The following VPS45 variants were observed in gnomAD, a reference collection of about 807,000 sequenced individuals.
The protein encoded by VPS45 is vacuolar protein sorting-associated protein 45.
VPS45 carries 35 observed loss-of-function variants against 75.9 expected under a neutral mutation model. The ratio of observed to expected loss-of-function variants is 0.46; its 90% CI spans 0.35 to 0.61. The LOEUF is 0.61. Among genes scored for constraint, VPS45 ranks in the 20% least tolerant of loss-of-function variants. The probability of loss-of-function intolerance (pLI) is 0.00; values close to 1 mark genes in which losing one functional copy is unlikely to be tolerated. For synonymous variants in VPS45, 220 were observed against 238.2 expected (o/e 0.92, Z 0.70); for missense variants, 559 against 685.9 (o/e 0.81, Z 2.07).
chr1:150,123,634 C>T (rs1383452890), intron 14 of VPS45, among the ~76,000 whole-genome samples: 2 of 152,150 alleles, frequency 1.3e-5, no homozygotes, highest in East Asian at 3.9e-4. Context: ...CTTCACAGGT[C>T]GATCAATATT....
intron 13 of VPS45, among the ~76,000 whole-genome samples, chr1:150,101,593 GC>G (rs1327728978): frequency 2.0e-5 from 3 of 151,846 alleles, no homozygotes; most frequent in African/African-American, 2.4e-5. Context: ...AATTAGCCAG[GC>G]CTGGTGGCGC....
At chr1:150,067,736 G>T (rs1559895711), upstream of VPS45, 3 of 910,806 alleles carry the variant, frequency 3.3e-6, no homozygotes, top group East Asian at 7.3e-5. Flanking sequence ...GTGGCTGCCC[G>T]GACTCCCGGA....
At chr1:150,099,608 C>T (rs782540005) in intron 13 of VPS45, among the ~76,000 whole-genome samples, 2 of 151,602 alleles carry the variant, frequency 1.3e-5, no homozygotes, top group South Asian at 2.1e-4. Flanking sequence ...CCAAGGCGGG[C>T]GGATCATGAG....
At chr1:150,108,812 A>C (rs990229064) in intron 13 of VPS45, among the ~76,000 whole-genome samples, 5 of 152,160 alleles carry the variant, frequency 3.3e-5, no homozygotes, top group African/African-American at 9.7e-5. Context: ...TCCTATGAGA[A>C]TCTAACGCCT....
At chr1:150,084,702 T>G (rs1474011942) in intron 10 of VPS45, among the ~76,000 whole-genome samples, 3 of 152,190 alleles carry the variant, frequency 2.0e-5, no homozygotes, top group Non-Finnish European at 4.4e-5. Flanking sequence ...ACCTGTTATA[T>G]TGGAAACAAC....
At chr1:150,082,945 T>C (rs1351336545) in intron 10 of VPS45, 62 bp downstream of exon 10, 2 of 1,467,126 alleles carry the variant, frequency 1.4e-6, no homozygotes. Flanking sequence ...GAGCAAGAGA[T>C]AAAAAGGCAA....
chr1:150,075,670 TAC>T (rs1655333390), intron 3 of VPS45, among the ~76,000 whole-genome samples: 4 of 152,186 alleles, frequency 2.6e-5, no homozygotes, highest in African/African-American at 9.6e-5. Context: ...TACCTGGTAG[TAC>T]AGTTTATATA....
chr1:150,077,919 T>C (rs1431249690), intron 7 of VPS45, 140 bp downstream of exon 7: 3 of 710,874 alleles, frequency 4.2e-6, no homozygotes, highest in Non-Finnish European at 7.3e-6. Context: ...TATTTCCTGG[T>C]GTTTTGGTAT....
intron 13 of VPS45, among the ~76,000 whole-genome samples, chr1:150,101,289 A>C (rs1455247822): frequency 6.9e-6 from 1 of 145,042 alleles, no homozygotes; most frequent in African/African-American, 2.6e-5. Context: ...AAAAGTGGGC[A>C]AAGGACATGA....
At chr1:150,121,917 G>A (rs958572718) in intron 14 of VPS45, among the ~76,000 whole-genome samples, 15 of 152,186 alleles carry the variant, frequency 9.9e-5, no homozygotes, top group African/African-American at 3.4e-4. Context: ...AATAGATGCA[G>A]TGGGGGGGCA....
intron 13 of VPS45, among the ~76,000 whole-genome samples, chr1:150,096,665 A>G (rs587716048): frequency 6.6e-6 from 1 of 152,302 alleles, no homozygotes; most frequent in African/African-American, 2.4e-5. Context: ...GTCAGGAGAA[A>G]ACGGTGCAGC....
rs1553807032 is a variant in VPS45 at position 150,110,655 on chromosome 1, G to C, written c.1625+28G>C. The C allele has an allele frequency of 3.2e-6, 5 of 1,558,554 alleles. No individual in the cohort carries two copies. The South Asian group carries it at 4.8e-5, about 15-fold the overall frequency. On this transcript the variant is annotated intron_variant, in intron 14 of 14. Coordinates refer to ENST00000644510, the MANE Select transcript of VPS45 (RefSeq NM_007259.5). ...AAAAGAGAACATTCATTCTACAACT[G>C]TGTCCTCTTTCCCAGAGGATAAAGC...
intron 14 of VPS45, among the ~76,000 whole-genome samples, chr1:150,130,313 C>T (rs1387348736): frequency 6.6e-6 from 1 of 150,568 alleles, no homozygotes; most frequent in African/African-American, 2.4e-5. Context: ...GCCATCCTCC[C>T]GAGTAGCTGG....
At chr1:150,144,298 T>C (rs587634998) in intron 14 of VPS45, among the ~76,000 whole-genome samples, 5 of 152,144 alleles carry the variant, frequency 3.3e-5, no homozygotes, top group African/African-American at 9.6e-5. Flanking sequence ...GGAGAGTAGA[T>C]TGGATAAGAA....
chr1:150,129,003 G>A (rs587662118), intron 14 of VPS45, among the ~76,000 whole-genome samples: 7 of 129,608 alleles, frequency 5.4e-5, no homozygotes, highest in Non-Finnish European at 8.0e-5. Context: ...GATTACAGGC[G>A]TGAGCCACTG....
At chr1:150,100,236 G>A (rs1553803969) in intron 13 of VPS45, among the ~76,000 whole-genome samples, 1 of 151,926 alleles carries the variant, frequency 6.6e-6, no homozygotes, top group Non-Finnish European at 1.5e-5. Context: ...ATTCACAACT[G>A]CCACCAAAAA....
At chr1:150,121,709 T>C (rs1487620534) in intron 14 of VPS45, among the ~76,000 whole-genome samples, 3 of 152,222 alleles carry the variant, frequency 2.0e-5, no homozygotes, top group African/African-American at 7.2e-5. Context: ...TTATGAGTTC[T>C]GTAATAGATA....
chr1:150,082,090 A>G (rs1655746200), intron 9 of VPS45, 93 bp downstream of exon 9: 3 of 743,082 alleles, frequency 4.0e-6, no homozygotes, highest in Non-Finnish European at 4.4e-6. Context: ...TCTAATTTCT[A>G]CCTTGATTGA....
At chr1:150,116,054 G>T (rs1257957337) in intron 14 of VPS45, among the ~76,000 whole-genome samples, 5 of 152,104 alleles carry the variant, frequency 3.3e-5, no homozygotes, top group African/African-American at 1.2e-4. Context: ...TCCTGCATTT[G>T]TATGTGTTTT....
Sources: allele counts gnomAD v4.1 joint callset (sites outside exome capture counted in the v4.1 genomes callset), GRCh38; gene constraint gnomAD v4.1.1; transcripts MANE v1.5; gene names NCBI Gene and HGNC (gene_info 2026-07-23, HGNC 2026-07-21).